Variants in MAD1L1 observed in about 807,000 individuals in gnomAD.
MAD1L1 encodes the protein mitotic spindle assembly checkpoint protein MAD1.
MAD1L1 carries 95 observed loss-of-function variants against 96.9 expected under a neutral mutation model. That is an observed-to-expected ratio of 0.98 (90% confidence interval 0.83 to 1.16). The LOEUF (loss-of-function observed/expected upper bound fraction) is 1.16, where lower values mean the gene tolerates loss of function less well. MAD1L1 is among the 50% of genes most tolerant of loss of function. The probability of loss-of-function intolerance (pLI) is 0.00; values close to 1 mark genes in which losing one functional copy is unlikely to be tolerated. For missense variants in MAD1L1, 1,007 were observed against 954.4 expected (o/e 1.06, Z -0.73); for synonymous variants, 473 against 396.6 (o/e 1.19, Z -2.29).
At chr7:1,853,628 C>A (rs1270086671) in intron 18 of MAD1L1, among the ~76,000 whole-genome samples, 1 of 152,202 alleles carries the variant, frequency 6.6e-6, no homozygotes, top group Non-Finnish European at 1.5e-5. Context: ...GAAACACTGT[C>A]CCCGCCGCCC....
At chr7:1,832,131 T>C (rs1782731648) in intron 18 of MAD1L1, among the ~76,000 whole-genome samples, 1 of 152,116 alleles carries the variant, frequency 6.6e-6, no homozygotes, top group Admixed American at 6.5e-5. Flanking sequence ...TCATTCTAGA[T>C]GCCATTAAGA....
chr7:1,985,673 C>T (rs1009889782), intron 14 of MAD1L1, among the ~76,000 whole-genome samples: 1 of 152,236 alleles, frequency 6.6e-6, no homozygotes, highest in Admixed American at 6.5e-5. Flanking sequence ...CATTTCCAGG[C>T]TTCCACATTC....
At chr7:1,877,648 T>TA (rs1301526249) in intron 18 of MAD1L1, among the ~76,000 whole-genome samples, 1 of 152,042 alleles carries the variant, frequency 6.6e-6, no homozygotes, top group African/African-American at 2.4e-5. Context: ...AAAAATCCAT[T>TA]AAAAATATAC....
chr7:2,049,457 G>A (rs899442743), intron 12 of MAD1L1, among the ~76,000 whole-genome samples: 2 of 152,190 alleles, frequency 1.3e-5, no homozygotes, highest in Non-Finnish European at 2.9e-5. Flanking sequence ...AAAAGGCTCG[G>A]GGGCAGCTCA....
In MAD1L1 at chr7:2,146,516, C is replaced by A. The variant is rs1789312831; in HGVS notation, c.1073+2636G>T. Among the ~76,000 whole-genome samples, 2 of 152,220 alleles carry A rather than the reference C, an allele frequency of 1.3e-5. No individual in the cohort carries two copies. On this transcript the variant is annotated intron_variant, in intron 11 of 18. Transcript: ENST00000265854. The surrounding 1 kb of genome is among the most constrained non-coding windows in gnomAD (Gnocchi z 6.2). ...ACACGGCCAACATACTTGGTAAAAA[C>A]TGCAGAGGAGAACATACGTGGTCAC... is the stretch of plus-strand genomic sequence containing the variant.
chr7:1,887,410 C>CAT (rs1786132076), intron 18 of MAD1L1, among the ~76,000 whole-genome samples: 2 of 71,964 alleles, frequency 2.8e-5, no homozygotes, highest in African/African-American at 1.6e-4. Context: ...GCTGCCTGTG[C>CAT]ATGTGTGTGT....
At chr7:1,985,222 C>G (rs1781083576) in intron 14 of MAD1L1, among the ~76,000 whole-genome samples, 1 of 152,332 alleles carries the variant, frequency 6.6e-6, no homozygotes, top group Admixed American at 6.5e-5. Context: ...TCCTCCAACC[C>G]CTTGAGGCCG....
intron 18 of MAD1L1, among the ~76,000 whole-genome samples, chr7:1,831,439 C>G (rs1782699362): frequency 6.6e-6 from 1 of 152,144 alleles, no homozygotes; most frequent in Non-Finnish European, 1.5e-5. Context: ...TGAGACACGA[C>G]CGTCACAACA....
At chr7:1,956,229 C>T (rs882948) in intron 16 of MAD1L1, among the ~76,000 whole-genome samples, 39,092 of 152,046 alleles carry the variant, frequency 0.26, 5,826 homozygotes, top group Middle Eastern at 0.35. Context: ...CAGGGCCACC[C>T]TGGACGTCCC....
chr7:2,005,482 A>T (rs150929212), intron 13 of MAD1L1, among the ~76,000 whole-genome samples: 73 of 152,322 alleles, frequency 4.8e-4, no homozygotes, highest in African/African-American at 1.7e-3. Context: ...AGGGAGGAAA[A>T]GAAGGACGGT....
At chr7:1,883,651 C>T (rs143840002) in intron 18 of MAD1L1, among the ~76,000 whole-genome samples, 5 of 152,324 alleles carry the variant, frequency 3.3e-5, no homozygotes, top group Non-Finnish European at 7.4e-5. Context: ...CTGTCCAGGG[C>T]GGCAAAGAGG....
rs1468822378 is a variant in MAD1L1, at chr7:1,826,866, A to C, written c.1999-10638T>G. ...AATTATACCAGCGTTATTGGGGTTT[A>C]TCTTCCCGGCGAGGGTGACCTTTCC... On this transcript the variant is annotated intron_variant, in intron 18 of 18. Transcript: ENST00000265854. Among the ~76,000 whole-genome samples the C allele has an allele frequency of 2.0e-5, 3 of 152,228 alleles. No homozygotes were observed. In the East Asian group the frequency reaches 5.8e-4, roughly 29 times the overall value.
chr7:2,171,009 G>A (rs1790679437), intron 10 of MAD1L1, among the ~76,000 whole-genome samples: 1 of 152,210 alleles, frequency 6.6e-6, no homozygotes, highest in Admixed American at 6.5e-5. Context: ...AGTTCAAAGA[G>A]CACAGTTGGA....
At chr7:2,046,896 C>A (rs1783947280) in intron 12 of MAD1L1, among the ~76,000 whole-genome samples, 1 of 152,212 alleles carries the variant, frequency 6.6e-6, no homozygotes, top group Admixed American at 6.5e-5. Context: ...GGCCCCCTGT[C>A]CCAGGTGCTA....
At chr7:1,868,614 C>T (rs779187044) in intron 18 of MAD1L1, among the ~76,000 whole-genome samples, 6 of 152,184 alleles carry the variant, frequency 3.9e-5, no homozygotes, top group South Asian at 4.1e-4. Flanking sequence ...TTCTCCAGCG[C>T]GTCATGCGAT....
intron 4 of MAD1L1, among the ~76,000 whole-genome samples, chr7:2,224,195 T>C (rs1050299148): frequency 5.9e-5 from 9 of 152,240 alleles, no homozygotes; most frequent in Non-Finnish European, 1.3e-4. Flanking sequence ...AGCTGCACAC[T>C]GTCCCTCCTG....
chr7:2,189,870 C>T (rs1168102142), intron 10 of MAD1L1, among the ~76,000 whole-genome samples: 2 of 152,154 alleles, frequency 1.3e-5, no homozygotes, highest in Non-Finnish European at 2.9e-5. Flanking sequence ...AACAGTATCT[C>T]GCAAGACCCT....
intron 16 of MAD1L1, among the ~76,000 whole-genome samples, chr7:1,947,013 A>C (rs1006399839): frequency 2.0e-5 from 3 of 152,014 alleles, no homozygotes; most frequent in Non-Finnish European, 4.4e-5. Flanking sequence ...TCCGCCCCTA[A>C]CTCGCTGGTA....
intron 18 of MAD1L1, among the ~76,000 whole-genome samples, chr7:1,890,360 T>C (rs941363018): frequency 2.0e-5 from 3 of 152,164 alleles, no homozygotes; most frequent in African/African-American, 7.2e-5. Flanking sequence ...CTCTCTCTGT[T>C]TCCATGAGAG....
Sources: allele counts gnomAD v4.1 joint callset (sites outside exome capture counted in the v4.1 genomes callset), GRCh38; gene constraint gnomAD v4.1.1; non-coding constraint Gnocchi (gnomAD v3.1); transcripts MANE v1.5; gene names NCBI Gene and HGNC (gene_info 2026-07-23, HGNC 2026-07-21).